Variants in AHCY observed in about 807,000 individuals in gnomAD.
AHCY encodes S-adenosyl-L-homocysteine hydrolase.
In AHCY, 24 loss-of-function variants were observed where a neutral mutation model predicts 45.4. That is an observed-to-expected ratio of 0.53 (90% confidence interval 0.38 to 0.74). The LOEUF is 0.74. Among genes scored for constraint, AHCY ranks in the 30% least tolerant of loss-of-function variants. The pLI is 0.00. For synonymous variants in AHCY, 245 were observed against 235.1 expected (o/e 1.04, Z -0.39); for missense variants, 449 against 594.1 (o/e 0.76, Z 2.54).
chr20:34,246,094 T>G, the AHCY span: 5 of 895,554 alleles, frequency 5.6e-6, no homozygotes, highest in South Asian at 7.0e-5. Flanking sequence ...CAGGAGAATT[T>G]TTGAGCAAAA....
downstream of AHCY, among the ~76,000 whole-genome samples, chr20:34,275,779 T>C (rs1369349732): frequency 1.3e-5 from 2 of 151,486 alleles, no homozygotes; most frequent in Non-Finnish European, 2.9e-5. Flanking sequence ...CCAGTTCAAG[T>C]GATTTTCCTG....
At chr20:34,267,809 G>C in the AHCY span, among the ~76,000 whole-genome samples, 1 of 151,138 alleles carries the variant, frequency 6.6e-6, no homozygotes, top group Non-Finnish European at 1.5e-5. Flanking sequence ...GGGATTACAG[G>C]CATGAGCCAC....
chr20:34,293,112 T>C (rs1009220948), intron 3 of AHCY, among the ~76,000 whole-genome samples: 3 of 152,122 alleles, frequency 2.0e-5, no homozygotes, highest in African/African-American at 2.4e-5. Flanking sequence ...AAATCCTCCA[T>C]ACCCCATCTC....
the AHCY span, among the ~76,000 whole-genome samples, chr20:34,273,395 G>A: frequency 6.6e-6 from 1 of 152,190 alleles, no homozygotes; most frequent in Non-Finnish European, 1.5e-5. Context: ...ACATGGAAAT[G>A]GTAGCATCAA....
At chr20:34,279,813 C>T (rs934268335), downstream of AHCY, among the ~76,000 whole-genome samples, 1 of 152,128 alleles carries the variant, frequency 6.6e-6, no homozygotes, top group African/African-American at 2.4e-5. Flanking sequence ...TGAGTCCCCA[C>T]TTAGTGCACT....
At chr20:34,231,999 A>G in the AHCY span, among the ~76,000 whole-genome samples, 3 of 152,202 alleles carry the variant, frequency 2.0e-5, no homozygotes, top group Admixed American at 6.5e-5. Context: ...AATGAACTTT[A>G]TTATTCATCA....
chr20:34,291,565 T>C, intron 4 of AHCY, 34 bp from the exon 5 acceptor site: 1 of 1,564,278 alleles, frequency 6.4e-7, no homozygotes, highest in East Asian at 2.2e-5. Context: ...GCCTCAGAGA[T>C]GCCACACCTG....
chr20:34,237,935 GT>G, the AHCY span, among the ~76,000 whole-genome samples: 5 of 152,102 alleles, frequency 3.3e-5, no homozygotes, highest in East Asian at 5.8e-4. Flanking sequence ...TTGGTTGACA[GT>G]TTTTTTCTTT....
At chr20:34,291,997 G>A (rs2036412713) in intron 4 of AHCY, among the ~76,000 whole-genome samples, 1 of 152,254 alleles carries the variant, frequency 6.6e-6, no homozygotes, top group Non-Finnish European at 1.5e-5. Context: ...CCGCAGTGAA[G>A]GCTCCCTTTG....
At chr20:34,253,112 T>C in the AHCY span, among the ~76,000 whole-genome samples, 2 of 152,048 alleles carry the variant, frequency 1.3e-5, no homozygotes, top group South Asian at 4.1e-4. Flanking sequence ...TTTCTTTTTT[T>C]TTTATTTTTT....
At chr20:34,254,448 G>A in the AHCY span, among the ~76,000 whole-genome samples, 4 of 152,240 alleles carry the variant, frequency 2.6e-5, no homozygotes, top group South Asian at 4.1e-4. Context: ...ATCCAAAAAC[G>A]TTTACCTGTA....
At chr20:34,264,789 ATTTTT>A in the AHCY span, among the ~76,000 whole-genome samples, 2 of 104,212 alleles carry the variant, frequency 1.9e-5, no homozygotes, top group African/African-American at 7.8e-5. Context: ...AGTTTACTTC[ATTTTT>A]TTTTTTTTTT....
chr20:34,264,335 G>A, the AHCY span, among the ~76,000 whole-genome samples: 4 of 152,302 alleles, frequency 2.6e-5, no homozygotes, highest in Non-Finnish European at 4.4e-5. Flanking sequence ...CAGGTGTTGC[G>A]AGTACGTGCT....
chr20:34,281,061 G>A lies in AHCY; in HGVS notation c.1272C>T (p.Pro424=), dbSNP rs764433327. 6 of 1,614,034 alleles carry A rather than the reference G, an allele frequency of 3.7e-6. No individual in the cohort carries two copies. In the African/African-American group the frequency reaches 8.0e-5, roughly 22 times the overall value. The part of the protein sequence containing the change: ...AQYLGMSCDG[P]FKPDHYRY The stretch of plus-strand genomic sequence containing the variant: ...AGTAGCGGTAGTGATCCGGCTTGAA[G>A]GGGCCATCACAGGACATGCCCAGGT... Residue 424 remains proline (P), a synonymous_variant, in exon 10 of 10, where the codon CCC becomes CCT. Coordinates refer to ENST00000217426, the MANE Select transcript of AHCY (RefSeq NM_000687.4).
At chr20:34,246,351 G>A in the AHCY span, 8 of 1,520,306 alleles carry the variant, frequency 5.3e-6, no homozygotes, top group African/African-American at 5.5e-5. Flanking sequence ...AATTTTGCAA[G>A]TTCATTTAGA....
chr20:34,293,574 ACCTGT>A (rs2036473831), intron 3 of AHCY: 1 of 264,258 alleles, frequency 3.8e-6, no homozygotes, highest in Admixed American at 5.1e-5. Flanking sequence ...CCTCCTGTCC[ACCTGT>A]GGTTGGTTAG....
At chr20:34,285,072 C>T (rs922767645) in intron 9 of AHCY, among the ~76,000 whole-genome samples, 1 of 152,128 alleles carries the variant, frequency 6.6e-6, no homozygotes, top group Non-Finnish European at 1.5e-5. Flanking sequence ...CCTCACAATC[C>T]TGAAGGGGGT....
At chr20:34,236,185 G>A in the AHCY span, among the ~76,000 whole-genome samples, 1 of 151,294 alleles carries the variant, frequency 6.6e-6, no homozygotes, top group Non-Finnish European at 1.5e-5. Flanking sequence ...AGAAAGAAAA[G>A]GCTAAACCTG....
downstream of AHCY, among the ~76,000 whole-genome samples, chr20:34,279,781 A>G (rs1035816422): frequency 6.6e-6 from 1 of 152,136 alleles, no homozygotes; most frequent in Non-Finnish European, 1.5e-5. Context: ...TTTACTTGAC[A>G]TTGTATCTTT....
Sources: allele counts gnomAD v4.1 joint callset (sites outside exome capture counted in the v4.1 genomes callset), GRCh38; gene constraint gnomAD v4.1.1; transcripts MANE v1.5; gene names NCBI Gene and HGNC (gene_info 2026-07-23, HGNC 2026-07-21).